WDR25: variants seen among roughly 807,000 people sequenced by gnomAD.
The protein encoded by WDR25 is WD repeat domain 25.
In WDR25, 35 loss-of-function variants were observed where a neutral mutation model predicts 47.7. The ratio of observed to expected loss-of-function variants is 0.73; its 90% CI spans 0.56 to 0.97. WDR25 has a LOEUF of 0.97. Ranked by LOEUF, WDR25 falls within the 50% of genes least tolerant of loss-of-function variation. The probability of loss-of-function intolerance (pLI) is 0.00; values close to 1 mark genes in which losing one functional copy is unlikely to be tolerated. For synonymous variants in WDR25, 248 were observed against 278.9 expected, an observed-to-expected ratio of 0.89 and a Z score of 1.10; for missense variants, 634 against 704.7, an observed-to-expected ratio of 0.90 and a Z score of 1.14.
intron 2 of WDR25, among the ~76,000 whole-genome samples, chr14:100,385,622 C>T (rs926086895): frequency 7.9e-5 from 12 of 152,196 alleles, no homozygotes; most frequent in Admixed American, 7.2e-4. Context: ...GAAAAATTTA[C>T]AGCTAGAGAA....
chr14:100,418,767 G>T (rs1019126048), intron 2 of WDR25, among the ~76,000 whole-genome samples: 3 of 123,438 alleles, frequency 2.4e-5, no homozygotes, highest in Admixed American at 7.9e-5. Flanking sequence ...TGGCGGTGGC[G>T]GGGGGGGGTC....
chr14:100,389,309 A>G (rs1209672570), intron 2 of WDR25, among the ~76,000 whole-genome samples: 1 of 152,138 alleles, frequency 6.6e-6, no homozygotes, highest in Non-Finnish European at 1.5e-5. Flanking sequence ...TATGGTAGGT[A>G]CTTTGTTTTT....
intron 3 of WDR25, 28 bp from the exon 4 acceptor site, chr14:100,483,966 A>G (rs762140534): frequency 1.3e-6 from 2 of 1,596,118 alleles, no homozygotes; most frequent in Non-Finnish European, 1.7e-6. Flanking sequence ...AGTACTTTCT[A>G]ACCCTCTCTT....
Position 100,468,671 on chromosome 14 carries a change from T to C in WDR25, c.970+503T>C, listed in dbSNP as rs759268733. Among the ~76,000 whole-genome samples, 1 of 152,130 alleles carries C rather than the reference T, an allele frequency of 6.6e-6. No homozygotes were observed. The highest frequency in any genetic ancestry group is 1.5e-5 in the Non-Finnish European group (1 of 68,016). On this transcript the variant is annotated intron_variant, in intron 3 of 6. Coordinates refer to ENST00000402312, the MANE Select transcript of WDR25 (RefSeq NM_001161476.3). The surrounding 1 kb of genome is among the most constrained non-coding windows in gnomAD (Gnocchi z 4.5). Reference sequence around the variant, plus strand: ...TGCCGGGTAAATCCTGAGAGGGCTCTTGACAAGCAGGGCGAGAAGGAGAGA... The same window carrying C: ...TGCCGGGTAAATCCTGAGAGGGCTCCTGACAAGCAGGGCGAGAAGGAGAGA...
chr14:100,396,910 G>A (rs1329980717), intron 2 of WDR25, among the ~76,000 whole-genome samples: 1 of 152,222 alleles, frequency 6.6e-6, no homozygotes, highest in Admixed American at 6.5e-5. Context: ...TTTTGGCCAG[G>A]GACCTTGCAA....
rs112193855 is a variant in WDR25 at position 100,410,034 on chromosome 14, C to T, written c.822+28288C>T. Among the ~76,000 whole-genome samples, 1,433 of 152,228 alleles carry T rather than the reference C, an allele frequency of 9.4e-3. 33 individuals carry two copies. The highest frequency in any genetic ancestry group is 0.033 in the African/African-American group (1,363 of 41,524). On this transcript the variant is annotated intron_variant, in intron 2 of 6. Coordinates refer to ENST00000402312, the MANE Select transcript of WDR25 (RefSeq NM_001161476.3). ...CTTGGTTTTAATTGTTTTCAGTAGC[C>T]ACAAAAGTTTACCATTTCAGAAAAT...
At chr14:100,475,895 T>C (rs979182564) in intron 3 of WDR25, among the ~76,000 whole-genome samples, 2 of 151,650 alleles carry the variant, frequency 1.3e-5, no homozygotes, top group African/African-American at 2.4e-5. Flanking sequence ...AATATATATA[T>C]ATATAAAATT....
chr14:100,418,332 C>T (rs115953370), intron 2 of WDR25, among the ~76,000 whole-genome samples: 1,915 of 151,558 alleles, frequency 0.013, 43 homozygotes, highest in African/African-American at 0.045. Context: ...TTTCATGCAA[C>T]TATTGAAAGT....
chr14:100,459,268 A>G (rs1362125745), intron 2 of WDR25, among the ~76,000 whole-genome samples: 2 of 152,226 alleles, frequency 1.3e-5, no homozygotes, highest in African/African-American at 4.8e-5. Context: ...TGAATTCTAC[A>G]ACTTAGATGA....
intron 2 of WDR25, among the ~76,000 whole-genome samples, chr14:100,397,728 G>T (rs374316152): frequency 6.6e-6 from 1 of 152,252 alleles, no homozygotes; most frequent in Non-Finnish European, 1.5e-5. Context: ...GGAACAGAGT[G>T]TGCAAAGGCA....
intron 2 of WDR25, among the ~76,000 whole-genome samples, chr14:100,431,345 C>T (rs1898327221): frequency 4.6e-5 from 7 of 152,008 alleles, no homozygotes; most frequent in Admixed American, 4.6e-4. Flanking sequence ...ATTGGTTTTT[C>T]GTTTGATTTT....
intron 4 of WDR25, among the ~76,000 whole-genome samples, chr14:100,517,363 G>A (rs926771067): frequency 6.6e-6 from 1 of 151,476 alleles, no homozygotes; most frequent in African/African-American, 2.4e-5. Flanking sequence ...TATTCCACTT[G>A]CTCTTTTCCT....
At chr14:100,383,082 A>G (rs1196734956) in intron 2 of WDR25, among the ~76,000 whole-genome samples, 1 of 152,230 alleles carries the variant, frequency 6.6e-6, no homozygotes, top group Non-Finnish European at 1.5e-5. Flanking sequence ...GGAAGCTCCA[A>G]GTATAGAGAT....
chr14:100,510,769 A>G (rs865839644), intron 4 of WDR25, among the ~76,000 whole-genome samples: 1 of 142,948 alleles, frequency 7.0e-6, no homozygotes, highest in Non-Finnish European at 1.5e-5. Flanking sequence ...AATAATGTAA[A>G]TTTTTTTTTT....
chr14:100,435,158 C>T (rs1007807173), intron 2 of WDR25, among the ~76,000 whole-genome samples: 5 of 152,354 alleles, frequency 3.3e-5, no homozygotes, highest in South Asian at 4.1e-4. Context: ...CATGACCACA[C>T]GTCACACAGA....
chr14:100,510,300 A>G (rs1037692910), intron 4 of WDR25, among the ~76,000 whole-genome samples: 2 of 151,390 alleles, frequency 1.3e-5, no homozygotes, highest in African/African-American at 4.9e-5. Context: ...TTTAGAGACA[A>G]GGGTTTCACT....
intron 4 of WDR25, among the ~76,000 whole-genome samples, chr14:100,493,726 T>G (rs937035834): frequency 1.2e-4 from 18 of 152,222 alleles, no homozygotes; most frequent in African/African-American, 4.1e-4. Flanking sequence ...ACATGTACAA[T>G]AGACTGACTG....
In WDR25 at chr14:100,530,107, G is replaced by A; in HGVS notation, c.*66G>A. 1 of 1,513,622 alleles carries A rather than the reference G, an allele frequency of 6.6e-7. No homozygotes were observed. The highest frequency in any genetic ancestry group is 1.2e-5 in the South Asian group (1 of 80,518). The allele number at this position is 1,513,622 out of a possible 1,614,324, so 93.8% of individuals were successfully genotyped here. ...TGGACTCCCCTCTTCCTCAAGGGTA[G>A]ATGAGAGGAACGAGCACAGAGGTTG... On this transcript the variant is annotated 3_prime_UTR_variant, in exon 7 of 7. Transcript: ENST00000402312.
At chr14:100,519,814 GTATACTATATGTATATATAGTATA>G (rs1421860651) in intron 4 of WDR25, among the ~76,000 whole-genome samples, 3 of 134,464 alleles carry the variant, frequency 2.2e-5, no homozygotes, top group Non-Finnish European at 4.7e-5. Flanking sequence ...ATGTATATAT[GTATACTATATGTATATATAGTATA>G]TATACTATAT....
Sources: gnomAD v4.1 joint callset for allele counts (sites outside exome capture counted in the v4.1 genomes callset) on GRCh38, gnomAD v4.1.1 for gene constraint, Gnocchi (gnomAD v3.1) non-coding constraint, MANE v1.5 for transcripts, NCBI Gene and HGNC (gene_info 2026-07-23, HGNC 2026-07-21) for gene names.